The following CTNNA2 variants were observed in gnomAD, a reference collection of about 807,000 sequenced individuals.
CTNNA2 encodes catenin alpha 2.
CTNNA2 carries 42 observed loss-of-function variants against 101.0 expected under a neutral mutation model. That is an observed-to-expected ratio of 0.42 (90% confidence interval 0.32 to 0.54). CTNNA2 has a LOEUF of 0.54. CTNNA2 is among the 20% of genes least tolerant of loss of function. The probability of loss-of-function intolerance (pLI) is 0.14; values close to 1 mark genes in which losing one functional copy is unlikely to be tolerated. For missense variants in CTNNA2, 871 were observed against 1,223.1 expected (o/e 0.71, Z 4.29); for synonymous variants, 450 against 456.4 (o/e 0.99, Z 0.18).
chr2:79,473,199 C>T (rs922238480), intron 4 of CTNNA2, among the ~76,000 whole-genome samples: 1 of 152,170 alleles, frequency 6.6e-6, no homozygotes, highest in African/African-American at 2.4e-5. Context: ...CTTTTTATAA[C>T]AATCTAAGCT....
intron 4 of CTNNA2, among the ~76,000 whole-genome samples, chr2:79,489,624 A>G (rs535657228): frequency 6.6e-6 from 1 of 152,366 alleles, no homozygotes; most frequent in Non-Finnish European, 1.5e-5. Context: ...GAGAAAGAAT[A>G]AGATAACTGT....
chr2:79,197,566 C>G (rs1355105251), intron 1 of CTNNA2, among the ~76,000 whole-genome samples: 1 of 152,172 alleles, frequency 6.6e-6, no homozygotes, highest in Non-Finnish European at 1.5e-5. Context: ...TTTGTATATT[C>G]AATCTGCCTA....
chr2:79,403,155 G>A (rs1425939132), intron 4 of CTNNA2, among the ~76,000 whole-genome samples: 1 of 151,782 alleles, frequency 6.6e-6, no homozygotes, highest in Non-Finnish European at 1.5e-5. Flanking sequence ...CTAAGGATGG[G>A]AAATGTTCTT....
At chr2:79,811,839 T>C (rs1327144446) in intron 3 of CTNNA2, among the ~76,000 whole-genome samples, 1 of 152,178 alleles carries the variant, frequency 6.6e-6, no homozygotes, top group African/African-American at 2.4e-5. Context: ...TTAACATTAT[T>C]AAAACTCCCA....
At chr2:80,199,351 G>C (rs13395238) in intron 7 of CTNNA2, among the ~76,000 whole-genome samples, 1 of 151,630 alleles carries the variant, frequency 6.6e-6, no homozygotes, top group African/African-American at 2.4e-5. Context: ...AAATTGAAGA[G>C]AGTTAAGACA....
intron 7 of CTNNA2, among the ~76,000 whole-genome samples, chr2:79,954,364 G>C (rs1689081699): frequency 6.6e-6 from 1 of 152,092 alleles, no homozygotes; most frequent in Non-Finnish European, 1.5e-5. Flanking sequence ...TTACTTCATT[G>C]TCATGATTAA....
intron 2 of CTNNA2, among the ~76,000 whole-genome samples, chr2:79,702,469 G>A (rs971076397): frequency 1.7e-4 from 26 of 152,126 alleles, no homozygotes; most frequent in African/African-American, 6.0e-4. Context: ...AAAAAAAAGT[G>A]TGCTGACTCC....
chr2:79,499,020 A>G (rs1671288906), intron 4 of CTNNA2: 1 of 152,238 alleles, frequency 6.6e-6, no homozygotes, highest in Non-Finnish European at 1.5e-5. Flanking sequence ...ACAATCTGAC[A>G]TCCTGATTCT....
At chr2:80,354,238 A>C (rs1202138364) in intron 7 of CTNNA2, among the ~76,000 whole-genome samples, 1 of 152,138 alleles carries the variant, frequency 6.6e-6, no homozygotes, top group Non-Finnish European at 1.5e-5. Context: ...TCATCACGGG[A>C]GAATATCAGG....
chr2:79,695,252 C>G (rs988632937), intron 2 of CTNNA2, among the ~76,000 whole-genome samples: 2 of 151,924 alleles, frequency 1.3e-5, no homozygotes, highest in Non-Finnish European at 1.5e-5. Flanking sequence ...TATGCAACTA[C>G]TGATTAAAAT....
chr2:79,656,879 G>C (rs540591357), intron 2 of CTNNA2, among the ~76,000 whole-genome samples: 12 of 151,894 alleles, frequency 7.9e-5, no homozygotes, highest in Admixed American at 6.6e-4. Flanking sequence ...AACACTCTTA[G>C]ATAACTCTTA....
At chr2:79,243,172 T>G (rs1341511179) in intron 2 of CTNNA2, among the ~76,000 whole-genome samples, 3 of 151,990 alleles carry the variant, frequency 2.0e-5, no homozygotes, top group Admixed American at 1.3e-4. Context: ...AGAGGAAAAC[T>G]TTTTAAAGCT....
chr2:80,058,263 C>G (rs1558767782), intron 7 of CTNNA2, among the ~76,000 whole-genome samples: 1 of 152,130 alleles, frequency 6.6e-6, no homozygotes. Context: ...ACTGGTCTTG[C>G]AATACCCATA....
At chr2:80,276,700 G>A (rs1673936369) in intron 7 of CTNNA2, among the ~76,000 whole-genome samples, 1 of 151,824 alleles carries the variant, frequency 6.6e-6, no homozygotes, top group Non-Finnish European at 1.5e-5. Flanking sequence ...GAGGAGGAGG[G>A]ATGTGCCAGA....
intron 2 of CTNNA2, among the ~76,000 whole-genome samples, chr2:79,688,970 G>T (rs143214675): frequency 0.016 from 2,378 of 152,036 alleles, 53 homozygotes; most frequent in African/African-American, 0.046. Flanking sequence ...AAGATTCAAT[G>T]GCTGGGGGTA....
At chr2:80,202,645 T>C (rs1393389644) in intron 7 of CTNNA2, among the ~76,000 whole-genome samples, 4 of 151,912 alleles carry the variant, frequency 2.6e-5, no homozygotes, top group Non-Finnish European at 2.9e-5. Flanking sequence ...TTAAAAATAG[T>C]ATATTAATTA....
chr2:80,579,529 A>T (rs1199538580), intron 13 of CTNNA2: 23 of 152,204 alleles, frequency 1.5e-4, no homozygotes, highest in Admixed American at 1.5e-3. Flanking sequence ...CTCTGTCCAC[A>T]ATAAAAATAC....
chr2:79,604,299 C>A (rs1395453106), intron 1 of CTNNA2, among the ~76,000 whole-genome samples: 4 of 152,156 alleles, frequency 2.6e-5, no homozygotes, highest in African/African-American at 9.7e-5. Context: ...CCAGATTTAA[C>A]CCTGTCTGAA....
In CTNNA2 at chr2:79,297,479, G is replaced by C. The variant is rs781625662; in HGVS notation, c.-405-15230G>C. ...GACAATATCAAGATCTACAGACCCA[G>C]ATTACCTCAGTTGGCCACTTGGCTT... is the stretch of plus-strand genomic sequence containing the variant. On this transcript the variant is annotated intron_variant, in intron 2 of 21. Coordinates refer to the CTNNA2 transcript ENST00000466387. Among the ~76,000 whole-genome samples the C allele has an allele frequency of 5.9e-5, 9 of 152,292 alleles. No homozygotes were observed. The South Asian group carries it at 6.2e-4, about 11-fold the overall frequency.
Sources: allele counts gnomAD v4.1 joint callset (sites outside exome capture counted in the v4.1 genomes callset), GRCh38; gene constraint gnomAD v4.1.1; transcripts MANE v1.5; gene names NCBI Gene and HGNC (gene_info 2026-07-23, HGNC 2026-07-21).